The following TRPC5 variants were observed in gnomAD, a reference collection of about 807,000 sequenced individuals.
TRPC5 encodes the protein transient receptor potential cation channel subfamily C member 5.
Under a neutral mutation model 56.5 loss-of-function variants are expected in TRPC5, and 9 were observed. That is an observed-to-expected ratio of 0.16 (90% CI 0.10 to 0.28). The LOEUF (loss-of-function observed/expected upper bound fraction) is 0.28, where lower values mean the gene tolerates loss of function less well. Among genes scored for constraint, TRPC5 ranks in the 10% least tolerant of loss-of-function variants. TRPC5 has a pLI of 1.00. For missense variants in TRPC5, 469 were observed against 748.9 expected, an observed-to-expected ratio of 0.63 and a Z score of 4.36; for synonymous variants, 282 against 278.5, an observed-to-expected ratio of 1.01 and a Z score of -0.13.
intron 6 of TRPC5, among the ~76,000 whole-genome samples, chrX:111,842,106 T>TAC (rs1491156261): frequency 1.1e-5 from 1 of 91,290 alleles, no homozygotes; most frequent in Non-Finnish European, 2.0e-5. Context: ...TGTATGTGTG[T>TAC]ATATATATAT....
intron 2 of TRPC5, among the ~76,000 whole-genome samples, chrX:111,919,548 G>A (rs1483694243): frequency 8.9e-6 from 1 of 112,306 alleles, no homozygotes; most frequent in Non-Finnish European, 1.9e-5. Flanking sequence ...CTTTCACAGT[G>A]CAATTTAAGA....
intron 3 of TRPC5, among the ~76,000 whole-genome samples, chrX:111,870,825 C>A (rs1923731817): frequency 9.0e-6 from 1 of 111,472 alleles, no homozygotes; most frequent in Non-Finnish European, 1.9e-5. Context: ...TATGTTCATA[C>A]CTTCAGTGTG....
At chrX:111,989,083 G>A (rs1928285535) in intron 1 of TRPC5, among the ~76,000 whole-genome samples, 2 of 111,480 alleles carry the variant, frequency 1.8e-5, no homozygotes, top group Non-Finnish European at 3.8e-5. Context: ...GCCTCATCCT[G>A]ACGATGTACC....
rs141220560 is a variant in TRPC5 at position 111,900,837 on chromosome X, G to A, written c.900+11454C>T. Among the ~76,000 whole-genome samples, 17 of 111,693 alleles carry A rather than the reference G, an allele frequency of 1.5e-4. No homozygotes were observed. The East Asian group carries it at 4.8e-3, about 31-fold the overall frequency. On this transcript the variant is annotated intron_variant, in intron 3 of 10. Coordinates refer to ENST00000262839, the MANE Select transcript of TRPC5 (RefSeq NM_012471.3). Reference sequence around the variant, plus strand: ...AGCAGATTCATTTTAAGTGTGGTGGGGAGTGGTAAACCAGACAAATGTAGC... The same window carrying A: ...AGCAGATTCATTTTAAGTGTGGTGGAGAGTGGTAAACCAGACAAATGTAGC...
intron 2 of TRPC5, among the ~76,000 whole-genome samples, chrX:111,918,015 TCTTGAGCAC>T (rs1307313860): frequency 1.8e-5 from 2 of 111,950 alleles, no homozygotes. Context: ...TGAGGCTGCA[TCTTGAGCAC>T]CTTGATTAGA....
intron 1 of TRPC5, among the ~76,000 whole-genome samples, chrX:112,004,741 T>G (rs1241907831): frequency 9.0e-6 from 1 of 111,476 alleles, no homozygotes; most frequent in African/African-American, 3.3e-5. Context: ...GGAAACAGTG[T>G]GAGCAACATT....
rs1316530563 is a variant in TRPC5, at chrX:111,772,392, A to G, written c.*3921T>C. On this transcript the variant is annotated 3_prime_UTR_variant, in exon 11 of 11. Coordinates refer to ENST00000262839, the MANE Select transcript of TRPC5 (RefSeq NM_012471.3). ...CTATGTCTATATGAGCAATCTTTTG[A>G]AAACTTGATTACCAAGAAAATATAC... Among the ~76,000 whole-genome samples the G allele has an allele frequency of 8.9e-6, 1 of 112,057 alleles. No homozygotes were observed. Among genetic ancestry groups the G allele is most frequent in the Admixed American group, 9.5e-5 (1 of 10,541 alleles).
chrX:111,853,461 A>C (rs1413298937), intron 4 of TRPC5, among the ~76,000 whole-genome samples: 1 of 111,902 alleles, frequency 8.9e-6, no homozygotes, highest in Non-Finnish European at 1.9e-5. Context: ...TGCTCTGCTT[A>C]CCTTACTTGA....
chrX:111,857,112 C>G (rs981523294), intron 3 of TRPC5, among the ~76,000 whole-genome samples: 2 of 111,626 alleles, frequency 1.8e-5, no homozygotes, highest in Non-Finnish European at 3.8e-5. Flanking sequence ...TAAATCTTAG[C>G]TACATATATT....
chrX:112,003,898 T>TA (rs1263001254), intron 1 of TRPC5, among the ~76,000 whole-genome samples: 3 of 112,190 alleles, frequency 2.7e-5, no homozygotes, highest in African/African-American at 9.7e-5. Flanking sequence ...AGGTTGTTGT[T>TA]AAAATGCAAC....
intron 1 of TRPC5, among the ~76,000 whole-genome samples, chrX:112,005,358 G>T (rs777424763): frequency 6.5e-5 from 7 of 107,694 alleles, no homozygotes. Context: ...ATGGGTACTA[G>T]GCCTAATACC....
At chrX:112,040,745 T>C (rs184350723) in intron 1 of TRPC5, among the ~76,000 whole-genome samples, 36 of 111,997 alleles carry the variant, frequency 3.2e-4, no homozygotes, top group African/African-American at 1.1e-3. Flanking sequence ...GTTTTCTTAC[T>C]GAAACTGCAA....
At chrX:111,894,040 T>C (rs750561213) in intron 3 of TRPC5, among the ~76,000 whole-genome samples, 24 of 111,512 alleles carry the variant, frequency 2.2e-4, no homozygotes, top group Non-Finnish European at 4.3e-4. Flanking sequence ...TGAATGCATG[T>C]ATCCAAATGG....
chrX:112,058,992 C>A (rs900597986), intron 1 of TRPC5, among the ~76,000 whole-genome samples: 2 of 111,342 alleles, frequency 1.8e-5, no homozygotes, highest in South Asian at 7.6e-4. Context: ...CAGACTGGCT[C>A]GAGAGCCTCT....
chrX:111,844,540 A>G (rs936931998), intron 6 of TRPC5, among the ~76,000 whole-genome samples: 13 of 99,918 alleles, frequency 1.3e-4, no homozygotes, highest in African/African-American at 4.9e-4. Context: ...ATCTCGGCTC[A>G]CTGCAACCTC....
intron 1 of TRPC5, among the ~76,000 whole-genome samples, chrX:112,061,665 C>T (rs1392821480): frequency 1.8e-5 from 2 of 111,576 alleles, no homozygotes; most frequent in African/African-American, 3.3e-5. Flanking sequence ...GCAGCTAATA[C>T]ACTTGTTTAC....
At chrX:111,813,490 A>C (rs1156443479) in intron 7 of TRPC5, among the ~76,000 whole-genome samples, 1 of 112,622 alleles carries the variant, frequency 8.9e-6, no homozygotes, top group African/African-American at 3.2e-5. Flanking sequence ...TACATTTCTC[A>C]ACAAATCCAA....
At chrX:111,990,344 G>A (rs1250264195) in intron 1 of TRPC5, among the ~76,000 whole-genome samples, 1 of 109,849 alleles carries the variant, frequency 9.1e-6, no homozygotes, top group Non-Finnish European at 1.9e-5. Flanking sequence ...CTTGAACCCA[G>A]GAGGCAGAGG....
intron 7 of TRPC5, among the ~76,000 whole-genome samples, chrX:111,784,628 C>T (rs1945946260): frequency 8.9e-6 from 1 of 112,241 alleles, no homozygotes; most frequent in Non-Finnish European, 1.9e-5. Flanking sequence ...TGTCACCTCA[C>T]CCAGGAAGCA....
Sources: allele counts gnomAD v4.1 joint callset (sites outside exome capture counted in the v4.1 genomes callset), GRCh38; gene constraint gnomAD v4.1.1; transcripts MANE v1.5; gene names NCBI Gene and HGNC (gene_info 2026-07-23, HGNC 2026-07-21).